The following REEP1 variants were observed in gnomAD, a reference collection of about 807,000 sequenced individuals.
The protein encoded by REEP1 is receptor accessory protein 1.
A neutral mutation model predicts 40.3 loss-of-function variants in REEP1; 22 were observed. The ratio of observed to expected loss-of-function variants is 0.55; its 90% CI spans 0.39 to 0.78. The LOEUF (loss-of-function observed/expected upper bound fraction) is 0.78. Among genes scored for constraint, REEP1 ranks in the 30% least tolerant of loss-of-function variants. REEP1 has a pLI of 0.00. For synonymous variants in REEP1, 116 were observed against 139.2 expected, an observed-to-expected ratio of 0.83 and a Z score of 1.17; for missense variants, 280 against 361.1, an observed-to-expected ratio of 0.78 and a Z score of 1.82.
At chr2:86,272,489 T>C (rs886209795) in intron 2 of REEP1, among the ~76,000 whole-genome samples, 2 of 152,230 alleles carry the variant, frequency 1.3e-5, no homozygotes, top group East Asian at 1.9e-4. Context: ...CTCCCAACAC[T>C]ACAATTGTCC....
intron 7 of REEP1, among the ~76,000 whole-genome samples, chr2:86,225,419 G>A (rs1674627911): frequency 6.6e-6 from 1 of 152,184 alleles, no homozygotes; most frequent in South Asian, 2.1e-4. Flanking sequence ...TTACAGGCAT[G>A]TGCCACCTCA....
At position 86,215,103 on chromosome 2, in the gene REEP1, G is replaced by A. The variant is rs1455452638; in HGVS notation, c.*1936C>T. ...AACTAACAGGTAAATACATTTTAAA[G>A]AGTATATTCTTCTTCTGTCTGGAAC... is the stretch of plus-strand genomic sequence containing the variant. On this transcript the variant is annotated 3_prime_UTR_variant, in exon 9 of 9. Transcript: ENST00000538924. The A allele has an allele frequency of 7.8e-6, 1 of 127,538 alleles. No individual in the cohort carries two copies. Among genetic ancestry groups the A allele is most frequent in the Non-Finnish European group, 1.6e-5 (1 of 64,212 alleles). 7.9% of individuals were successfully genotyped at this position (127,538 alleles called of 1,614,324 possible). A position where few individuals can be genotyped will look rare whatever the true frequency, so the allele number is the denominator to read the frequency against.
At chr2:86,290,282 G>C (rs1678625530) in intron 1 of REEP1, among the ~76,000 whole-genome samples, 1 of 152,160 alleles carries the variant, frequency 6.6e-6, no homozygotes, top group Non-Finnish European at 1.5e-5. Context: ...GGGTTAGATG[G>C]GGAGGTGGGA....
chr2:86,337,413 C>T lies in REEP1; in HGVS notation c.32+66G>A, dbSNP rs1371948090. 1.8e-6 allele frequency: 2 copies of T among 1,107,292 alleles called. No homozygotes were observed. Among genetic ancestry groups the T allele is most frequent in the Non-Finnish European group, 2.3e-6 (2 of 881,590 alleles). 68.6% of individuals were successfully genotyped at this position (1,107,292 alleles called of 1,614,324 possible). A position where few individuals can be genotyped will look rare whatever the true frequency, so the allele number is the denominator to read the frequency against. On this transcript the variant is annotated intron_variant, in intron 1 of 8. Transcript: ENST00000538924. This position sits in a 1 kb window ranked among gnomAD's most constrained non-coding sequence, Gnocchi z 5.8. ...ACTGGGACCGGGCGCTGTAGGGGCG[C>T]GCGCAGCCCGGGGCCGGGGGCGGGG... is the stretch of plus-strand genomic sequence containing the variant.
intron 1 of REEP1, among the ~76,000 whole-genome samples, chr2:86,297,291 G>C (rs920778684): frequency 6.6e-6 from 1 of 152,246 alleles, no homozygotes; most frequent in Admixed American, 6.5e-5. Flanking sequence ...GCTGGTCTTT[G>C]CTATACCACT....
intron 3 of REEP1, among the ~76,000 whole-genome samples, chr2:86,255,517 C>T (rs889829260): frequency 6.6e-5 from 10 of 152,104 alleles, no homozygotes; most frequent in Admixed American, 5.2e-4. Context: ...ATTTATTTGT[C>T]CCCCCACAGG....
At chr2:86,274,877 G>A (rs1022050731) in intron 2 of REEP1, among the ~76,000 whole-genome samples, 1 of 152,158 alleles carries the variant, frequency 6.6e-6, no homozygotes, top group African/African-American at 2.4e-5. Context: ...AGAGCTCAGG[G>A]TAGGAAGCGG....
At chr2:86,238,117 G>A (rs1675460921) in intron 5 of REEP1, among the ~76,000 whole-genome samples, 1 of 152,186 alleles carries the variant, frequency 6.6e-6, no homozygotes, top group African/African-American at 2.4e-5. Context: ...GGAGGCAGAG[G>A]TTGAGGTGAG....
chr2:86,309,332 T>TC (rs1679651149), intron 1 of REEP1, among the ~76,000 whole-genome samples: 1 of 152,048 alleles, frequency 6.6e-6, no homozygotes, highest in South Asian at 2.1e-4. Context: ...AAACCTAACT[T>TC]CCCCCTGGTC....
intron 1 of REEP1, among the ~76,000 whole-genome samples, chr2:86,307,318 C>T (rs1679537957): frequency 6.6e-6 from 1 of 151,992 alleles, no homozygotes; most frequent in Non-Finnish European, 1.5e-5. Flanking sequence ...TAGTCACACA[C>T]ACAAAATCAG....
chr2:86,317,275 AC>A lies in REEP1; in HGVS notation c.32+20203del, dbSNP rs1680062011. Reference sequence around the variant, plus strand: ...CCAAATAGAAACAGGAAAAAAAAACACCAATAAAGGATTTTTTTTGACAAAT... The same window carrying A: ...CCAAATAGAAACAGGAAAAAAAAACACAATAAAGGATTTTTTTTGACAAAT... On this transcript the variant is annotated intron_variant, in intron 1 of 8. Coordinates refer to ENST00000538924, the MANE Select transcript of REEP1 (RefSeq NM_001371279.1). Among the ~76,000 whole-genome samples the A allele has an allele frequency of 2.0e-5, 3 of 152,162 alleles. No homozygotes were observed. In the South Asian group the frequency reaches 6.2e-4, roughly 32 times the overall value.
intron 5 of REEP1, among the ~76,000 whole-genome samples, chr2:86,244,827 A>G (rs764876965): frequency 6.6e-6 from 1 of 152,238 alleles, no homozygotes; most frequent in Non-Finnish European, 1.5e-5. Context: ...GCTATCAGCC[A>G]TACTGGCAAA....
chr2:86,330,302 C>T (rs1252533024), intron 1 of REEP1, among the ~76,000 whole-genome samples: 1 of 152,042 alleles, frequency 6.6e-6, no homozygotes, highest in African/African-American at 2.4e-5. Context: ...AGGAGTGTAA[C>T]CACTTGAATT....
At chr2:86,290,474 C>T (rs750576957) in intron 1 of REEP1, among the ~76,000 whole-genome samples, 2 of 152,162 alleles carry the variant, frequency 1.3e-5, no homozygotes, top group Non-Finnish European at 2.9e-5. Flanking sequence ...CCAAAGCATT[C>T]AGAGGAATTC....
chr2:86,333,981 C>T (rs1355080406), intron 1 of REEP1, among the ~76,000 whole-genome samples: 3 of 152,236 alleles, frequency 2.0e-5, no homozygotes, highest in Admixed American at 1.3e-4. Context: ...ACAAGCCTGT[C>T]TTGATGCCTG....
At chr2:86,258,241 G>C (rs1219451560) in intron 3 of REEP1, among the ~76,000 whole-genome samples, 1 of 152,138 alleles carries the variant, frequency 6.6e-6, no homozygotes, top group Non-Finnish European at 1.5e-5. Flanking sequence ...TGCTAGAATG[G>C]ATCCAGGGGT....
chr2:86,256,958 G>A (rs1338956904), intron 3 of REEP1, among the ~76,000 whole-genome samples: 3 of 152,100 alleles, frequency 2.0e-5, no homozygotes, highest in Non-Finnish European at 4.4e-5. Context: ...CTATCCCCCA[G>A]TCAGTAGCCT....
chr2:86,246,002 G>A (rs1348322660), intron 5 of REEP1, among the ~76,000 whole-genome samples: 19 of 152,092 alleles, frequency 1.2e-4, no homozygotes, highest in East Asian at 1.9e-4. Context: ...CTGACCTCGT[G>A]ATCCGCCCGC....
chr2:86,261,360 G>T (rs1676843099), intron 3 of REEP1, among the ~76,000 whole-genome samples: 2 of 152,162 alleles, frequency 1.3e-5, no homozygotes, highest in African/African-American at 4.8e-5. Context: ...AGTAGACATA[G>T]GAGACTCCAT....
Sources: gnomAD v4.1 joint callset for allele counts (sites outside exome capture counted in the v4.1 genomes callset) on GRCh38, gnomAD v4.1.1 for gene constraint, Gnocchi (gnomAD v3.1) non-coding constraint, MANE v1.5 for transcripts, NCBI Gene and HGNC (gene_info 2026-07-23, HGNC 2026-07-21) for gene names.